Variants in DNER observed in about 807,000 individuals in gnomAD.
DNER encodes the protein delta and Notch-like epidermal growth factor-related receptor.
In DNER, 33 loss-of-function variants were observed where a neutral mutation model predicts 78.2. That is an observed-to-expected ratio of 0.42 (90% CI 0.32 to 0.56). DNER has a LOEUF of 0.56. DNER is among the 20% of genes least tolerant of loss of function. The probability of loss-of-function intolerance (pLI) is 0.11; values close to 1 mark genes in which losing one functional copy is unlikely to be tolerated. For missense variants in DNER, 918 were observed against 975.3 expected, an observed-to-expected ratio of 0.94 and a Z score of 0.78; for synonymous variants, 417 against 384.8, an observed-to-expected ratio of 1.08 and a Z score of -0.98.
At chr2:229,574,619 G>C (rs1697264758) in intron 4 of DNER, among the ~76,000 whole-genome samples, 1 of 152,110 alleles carries the variant, frequency 6.6e-6, no homozygotes. Flanking sequence ...CGGGTTATAG[G>C]AGAAGAAACC....
At chr2:229,592,958 C>T (rs1461911926) in intron 1 of DNER, among the ~76,000 whole-genome samples, 4 of 152,140 alleles carry the variant, frequency 2.6e-5, no homozygotes, top group Admixed American at 6.5e-5. Context: ...AACGGCTACT[C>T]GTTCTGCTAA....
At chr2:229,500,814 T>G (rs1211635194) in intron 6 of DNER, among the ~76,000 whole-genome samples, 1 of 152,192 alleles carries the variant, frequency 6.6e-6, no homozygotes, top group East Asian at 1.9e-4. Flanking sequence ...CAGTATACAC[T>G]GTACCCAACT....
At chr2:229,417,910 G>A (rs1693685008) in intron 9 of DNER, among the ~76,000 whole-genome samples, 198 bp downstream of exon 9, 1 of 152,180 alleles carries the variant, frequency 6.6e-6, no homozygotes, top group Admixed American at 6.5e-5. Flanking sequence ...CAGGAAAGGG[G>A]GTTGTTTCTC....
chr2:229,414,692 AC>A (rs1381175560), intron 9 of DNER, among the ~76,000 whole-genome samples: 1 of 152,188 alleles, frequency 6.6e-6, no homozygotes. Context: ...AGAGTGGTGG[AC>A]ACAGCCTAGA....
chr2:229,554,929 AGAGAAGAGAGAAAAGGGAAGGGAAGGG>A (rs1696827398), intron 4 of DNER, among the ~76,000 whole-genome samples: 21 of 36,206 alleles, frequency 5.8e-4, no homozygotes, highest in South Asian at 1.3e-3. Context: ...AGAGAAGAGA[AGAGAAGAGAGAAAAGGGAAGGGAAGGG>A]AAGGGAAGGG....
intron 6 of DNER, among the ~76,000 whole-genome samples, chr2:229,478,000 T>A (rs570936869): frequency 1.3e-5 from 2 of 152,314 alleles, no homozygotes; most frequent in East Asian, 1.9e-4. Context: ...TGTTTATTAA[T>A]TTTGAAAACA....
intron 2 of DNER, among the ~76,000 whole-genome samples, chr2:229,589,511 G>C (rs1697562359): frequency 6.6e-6 from 1 of 152,140 alleles, no homozygotes; most frequent in Admixed American, 6.6e-5. Flanking sequence ...TATGCCTCCT[G>C]GTTTCCATCA....
At chr2:229,513,649 G>C (rs1208511466) in intron 5 of DNER, among the ~76,000 whole-genome samples, 1 of 152,186 alleles carries the variant, frequency 6.6e-6, no homozygotes, top group African/African-American at 2.4e-5. Context: ...GTACGGGCAT[G>C]TCTGAAATAA....
intron 1 of DNER, among the ~76,000 whole-genome samples, chr2:229,640,210 A>G (rs911868056): frequency 6.6e-6 from 1 of 152,238 alleles, no homozygotes; most frequent in African/African-American, 2.4e-5. Context: ...TTCGTGAAGT[A>G]AAGTCAACAC....
chr2:229,510,173 G>A (rs878878342), intron 6 of DNER, among the ~76,000 whole-genome samples: 1 of 152,204 alleles, frequency 6.6e-6, no homozygotes. Context: ...GGGAGACATG[G>A]GGGTGAGATA....
intron 1 of DNER, among the ~76,000 whole-genome samples, chr2:229,679,111 T>C (rs1234523433): frequency 2.0e-5 from 3 of 152,172 alleles, no homozygotes; most frequent in Non-Finnish European, 4.4e-5. Context: ...AGTTATACCA[T>C]TGTTCACACA....
chr2:229,361,219 T>C (rs1463686336), intron 12 of DNER, among the ~76,000 whole-genome samples: 3 of 55,686 alleles, frequency 5.4e-5, no homozygotes, highest in Non-Finnish European at 1.0e-4. Flanking sequence ...ACTAACAGTG[T>C]TTTTTTTTTT....
intron 11 of DNER, among the ~76,000 whole-genome samples, chr2:229,387,887 G>T (rs1228653055): frequency 7.9e-6 from 1 of 125,872 alleles, no homozygotes; most frequent in Admixed American, 7.8e-5. Flanking sequence ...GTGTGTGTGT[G>T]TGTGTTTTTT....
intron 1 of DNER, among the ~76,000 whole-genome samples, chr2:229,700,871 C>T (rs558184956): frequency 3.5e-4 from 50 of 144,562 alleles, no homozygotes; most frequent in African/African-American, 9.0e-4. Flanking sequence ...CCAGCCTGGG[C>T]GACAGAGCGA....
intron 1 of DNER, among the ~76,000 whole-genome samples, chr2:229,702,774 G>A (rs1046759991): frequency 3.3e-5 from 5 of 150,032 alleles, no homozygotes; most frequent in South Asian, 2.1e-4. Flanking sequence ...AAAATTAGCC[G>A]GGCGTGGTGG....
At chr2:229,668,402 C>G (rs561181056) in intron 1 of DNER, among the ~76,000 whole-genome samples, 1 of 123,402 alleles carries the variant, frequency 8.1e-6, no homozygotes, top group African/African-American at 3.2e-5. Flanking sequence ...AGAAAGAATA[C>G]ACATAAAATA....
In DNER at chr2:229,554,422, T is replaced by C. The variant is rs529116510; in HGVS notation, c.848-7330A>G. Among the ~76,000 whole-genome samples the C allele has an allele frequency of 2.0e-5, 3 of 152,172 alleles. No homozygotes were observed. The East Asian group carries it at 5.8e-4, about 29-fold the overall frequency. ...AAAATTTTACAATGGCCAGGCATGA[T>C]GGCTCACGCCTATAATCCTAGCACT... On this transcript the variant is annotated intron_variant, in intron 4 of 12. Coordinates refer to ENST00000341772, the MANE Select transcript of DNER (RefSeq NM_139072.4).
In DNER at chr2:229,714,223, C is replaced by A. The variant is rs1287040003; in HGVS notation, c.201G>T (p.Pro67=). 1.4e-6 allele frequency: 2 copies of A among 1,397,240 alleles called. No individual in the cohort carries two copies. The highest frequency in any genetic ancestry group is 1.9e-6 in the Non-Finnish European group (2 of 1,078,062). 86.6% of individuals were successfully genotyped at this position (1,397,240 alleles called of 1,614,324 possible). A position where few individuals can be genotyped will look rare whatever the true frequency, so the allele number is the denominator to read the frequency against. The part of the protein sequence containing the change: ...GVCTSRPEPD[P]QHPAPAGEPG... ...GCTCGCCGGCGGGGGCCGGGTGCTG[C>A]GGGTCCGGCTCAGGGCGCGAGGTGC... is the stretch of plus-strand genomic sequence containing the variant. The change falls in exon 1 of 13, where the codon CCG becomes CCT. Residue 67 remains proline (P), a synonymous_variant. Coordinates refer to ENST00000341772, the MANE Select transcript of DNER (RefSeq NM_139072.4).
At chr2:229,444,571 A>G (rs1694301583) in intron 8 of DNER, among the ~76,000 whole-genome samples, 1 of 152,174 alleles carries the variant, frequency 6.6e-6, no homozygotes, top group South Asian at 2.1e-4. Context: ...TTCAATTTTA[A>G]GTTTTAGAAA....
Sources: gnomAD v4.1 joint callset for allele counts (sites outside exome capture counted in the v4.1 genomes callset) on GRCh38, gnomAD v4.1.1 for gene constraint, MANE v1.5 for transcripts, NCBI Gene and HGNC (gene_info 2026-07-23, HGNC 2026-07-21) for gene names.